Variants in PDCD6IP observed in about 807,000 individuals in gnomAD.
The protein encoded by PDCD6IP is programmed cell death 6 interacting protein.
In PDCD6IP, 43 loss-of-function variants were observed where a neutral mutation model predicts 103.7. That is an observed-to-expected ratio of 0.41 (90% confidence interval 0.32 to 0.53). PDCD6IP has a LOEUF of 0.53. PDCD6IP is among the 20% of genes least tolerant of loss of function. The pLI, the probability that PDCD6IP is intolerant of heterozygous loss-of-function variation, is 0.16. For synonymous variants in PDCD6IP, 354 were observed against 378.7 expected, an observed-to-expected ratio of 0.93 and a Z score of 0.76; for missense variants, 871 against 1,036.7, an observed-to-expected ratio of 0.84 and a Z score of 2.20.
chr3:33,822,102 C>G lies in PDCD6IP; in HGVS notation c.462+20C>G. On this transcript the variant is annotated intron_variant, in intron 4 of 17. Transcript: ENST00000307296. ...TACCAGGTATGCTGAAAAGTAGTTA[C>G]TACAATAATGGTCAACACTAAATTG... The G allele has an allele frequency of 6.2e-7, 1 of 1,611,346 alleles. No homozygotes were observed. Among genetic ancestry groups the G allele is most frequent in the Non-Finnish European group, 8.5e-7 (1 of 1,178,062 alleles).
rs1300146750 is a variant in PDCD6IP, at chr3:33,844,080, C to A, written c.1360-32C>A. On this transcript the variant is annotated intron_variant, in intron 10 of 17. Transcript: ENST00000307296. Reference sequence around the variant, plus strand: ...ATTAAAGTTTTTATACCAGAAATGACATTTCAGGGTTCTTTTTGCTTCCTT... The same window carrying A: ...ATTAAAGTTTTTATACCAGAAATGAAATTTCAGGGTTCTTTTTGCTTCCTT... 5.4e-6 allele frequency: 7 copies of A among 1,302,834 alleles called. No individual in the cohort carries two copies. In the African/African-American group the frequency reaches 8.9e-5, roughly 17 times the overall value. 80.7% of individuals were successfully genotyped at this position (1,302,834 alleles called of 1,614,324 possible).
chr3:33,849,996 C>CTCA (rs1421156968), intron 12 of PDCD6IP, among the ~76,000 whole-genome samples: 1 of 151,978 alleles, frequency 6.6e-6, no homozygotes, highest in Non-Finnish European at 1.5e-5. Context: ...ACTATTTGAC[C>CTCA]CTCTCTGTAT....
Position 33,845,462 on chromosome 3 carries a change from A to T in PDCD6IP, c.1515A>T (p.Ala505=). 1 of 1,614,126 alleles carries T rather than the reference A, an allele frequency of 6.2e-7. No homozygotes were observed. The highest frequency in any genetic ancestry group is 1.3e-5 in the African/African-American group (1 of 75,072). ...FRTVLDKAVQ[A]DGQVKECYQS... The stretch of plus-strand genomic sequence containing the variant: ...CAGTTTTAGATAAAGCTGTGCAGGC[A>T]GATGGACAAGTGAAAGAATGTTACC... The change falls in exon 12 of 18, where the codon GCA becomes GCT. Residue 505 remains alanine, a synonymous_variant. Coordinates refer to ENST00000307296, the MANE Select transcript of PDCD6IP (RefSeq NM_013374.6).
At chr3:33,825,795 TA>T (rs1008648270) in intron 5 of PDCD6IP, among the ~76,000 whole-genome samples, 3 of 152,128 alleles carry the variant, frequency 2.0e-5, no homozygotes, top group South Asian at 2.1e-4. Context: ...ATAATTGCTA[TA>T]AAAAATAAGA....
chr3:33,851,283 C>T (rs1697707680), intron 12 of PDCD6IP, among the ~76,000 whole-genome samples: 1 of 150,552 alleles, frequency 6.6e-6, no homozygotes, highest in African/African-American at 2.4e-5. Context: ...TTGGGGCAAG[C>T]AGAATAGAGA....
intron 1 of PDCD6IP, among the ~76,000 whole-genome samples, chr3:33,810,303 T>C (rs1435807614): frequency 1.3e-5 from 2 of 152,204 alleles, no homozygotes; most frequent in Non-Finnish European, 2.9e-5. Context: ...TTTACTGTTA[T>C]TTTATTTAGA....
In PDCD6IP at chr3:33,838,314, A is replaced by G; in HGVS notation, c.1168A>G (p.Thr390Ala). The change falls in exon 9 of 18, where the codon ACT (threonine) becomes GCT (alanine). Residue 390 changes from threonine to alanine, a missense_variant. Thr to Ala is a moderately conservative substitution (Grantham distance 58). Around this residue, in one of 5 missense-constraint regions of PDCD6IP, gnomAD observed 266 missense variants for 390.5 expected, o/e 0.68. Transcript: ENST00000307296. Reference sequence around the variant, plus strand: ...AATTGCTCAGATGAGAGAAGCCACCACTTTGGCAAATGGGTAGGTAGAGCT... The same window carrying G: ...AATTGCTCAGATGAGAGAAGCCACCGCTTTGGCAAATGGGTAGGTAGAGCT... ...RSIAQMREAT[T>A]LANGVLASLN... 3.1e-6 allele frequency: 5 copies of G among 1,612,934 alleles called. No homozygotes were observed. Among genetic ancestry groups the G allele is most frequent in the Non-Finnish European group, 4.2e-6 (5 of 1,179,156 alleles).
At chr3:33,833,925 T>C (rs967785850) in intron 7 of PDCD6IP, among the ~76,000 whole-genome samples, 1 of 152,230 alleles carries the variant, frequency 6.6e-6, no homozygotes, top group Admixed American at 6.5e-5. Context: ...TCTCTGGCTC[T>C]TAAAGCCTAC....
At chr3:33,839,490 C>G (rs114036013) in intron 9 of PDCD6IP, among the ~76,000 whole-genome samples, 12 of 76,744 alleles carry the variant, frequency 1.6e-4, no homozygotes, top group Non-Finnish European at 2.7e-4. Flanking sequence ...TATGGTTATA[C>G]GGCAGTATTC....
At chr3:33,813,499 T>C in intron 2 of PDCD6IP, 60 bp from the exon 3 acceptor site, 1 of 1,029,140 alleles carries the variant, frequency 9.7e-7, no homozygotes, top group Non-Finnish European at 1.5e-6. Flanking sequence ...AAAGAAGACT[T>C]AATATTTAAT....
rs967755869 is a variant in PDCD6IP, at chr3:33,832,495, G to C, written c.834+3526G>C. 4.6e-5 allele frequency among the ~76,000 whole-genome samples: 7 copies of C among 152,024 alleles called. No individual in the cohort carries two copies. The East Asian group carries it at 1.4e-3, about 29-fold the overall frequency. On this transcript the variant is annotated intron_variant, in intron 7 of 17. Coordinates refer to ENST00000307296, the MANE Select transcript of PDCD6IP (RefSeq NM_013374.6). Reference sequence around the variant, plus strand: ...TATGTCTGTAATTTGTTACATATTTGGATTGTTGATCCACTTGGAATTTAT... The same window carrying C: ...TATGTCTGTAATTTGTTACATATTTCGATTGTTGATCCACTTGGAATTTAT...
At chr3:33,830,351 T>C (rs1697219698) in intron 7 of PDCD6IP, among the ~76,000 whole-genome samples, 1 of 152,198 alleles carries the variant, frequency 6.6e-6, no homozygotes, top group Non-Finnish European at 1.5e-5. Flanking sequence ...ATTGTAAGTT[T>C]AGTTTCTTTA....
intron 12 of PDCD6IP, among the ~76,000 whole-genome samples, chr3:33,850,515 A>G (rs1308543272): frequency 6.6e-6 from 1 of 152,100 alleles, no homozygotes; most frequent in Non-Finnish European, 1.5e-5. Flanking sequence ...TTTTGCAAGA[A>G]CAACAACAAA....
intron 7 of PDCD6IP, among the ~76,000 whole-genome samples, chr3:33,835,683 GC>G (rs1697330287): frequency 6.6e-6 from 1 of 151,968 alleles, no homozygotes; most frequent in Admixed American, 6.6e-5. Flanking sequence ...GCGCCACTGT[GC>G]TCCAGCCTGG....
chr3:33,862,944 T>G lies in PDCD6IP; in HGVS notation c.2121-1062T>G, dbSNP rs138728593. The stretch of plus-strand genomic sequence containing the variant: ...TGTAACTGTGATCTCTGAAAATGTT[T>G]ACTTTTTCCCCCAGTCTTCAGAAAT... On this transcript the variant is annotated intron_variant, in intron 15 of 17. Transcript: ENST00000307296. 1.3e-3 allele frequency among the ~76,000 whole-genome samples: 192 copies of G among 152,344 alleles called. 1 individual carries two copies. Among genetic ancestry groups the G allele is most frequent in the African/African-American group, 4.5e-3 (189 of 41,594 alleles).
intron 15 of PDCD6IP, among the ~76,000 whole-genome samples, chr3:33,858,345 G>A (rs1210941381): frequency 6.6e-6 from 1 of 152,088 alleles, no homozygotes; most frequent in African/African-American, 2.4e-5. Flanking sequence ...CATCAACTGG[G>A]CGTGATGGCA....
At chr3:33,841,368 T>A (rs1210610142) in intron 9 of PDCD6IP, among the ~76,000 whole-genome samples, 1 of 151,608 alleles carries the variant, frequency 6.6e-6, no homozygotes, top group Non-Finnish European at 1.5e-5. Flanking sequence ...CTTCATTTTT[T>A]AATGATTTTG....
At chr3:33,861,998 A>G (rs146594842) in intron 15 of PDCD6IP, among the ~76,000 whole-genome samples, 2 of 152,156 alleles carry the variant, frequency 1.3e-5, no homozygotes, top group African/African-American at 2.4e-5. Flanking sequence ...TACATTATTG[A>G]TTTTATTTAA....
chr3:33,846,869 G>A (rs1201365771), intron 12 of PDCD6IP, among the ~76,000 whole-genome samples: 1 of 152,164 alleles, frequency 6.6e-6, no homozygotes, highest in African/African-American at 2.4e-5. Flanking sequence ...AACATAAAGA[G>A]ACAAAAAACT....
Sources: gnomAD v4.1 joint callset for allele counts (sites outside exome capture counted in the v4.1 genomes callset) on GRCh38, gnomAD v4.1.1 for gene constraint, gnomAD v4.1.1 regional missense constraint, MANE v1.5 for transcripts, NCBI Gene and HGNC (gene_info 2026-07-23, HGNC 2026-07-21) for gene names.